Variants in HECW1 observed in about 807,000 individuals in gnomAD.
The protein encoded by HECW1 is HECT, C2 and WW domain containing E3 ubiquitin protein ligase 1, also known as E3 ubiquitin-protein ligase HECW1.
HECW1 carries 61 observed loss-of-function variants against 182.3 expected under a neutral mutation model. The observed-to-expected ratio is 0.33, with a 90% CI of 0.27 to 0.41. HECW1 has a LOEUF of 0.41. HECW1 is among the 10% of genes least tolerant of loss of function. HECW1 has a pLI of 1.00. For synonymous variants in HECW1, 859 were observed against 832.6 expected (o/e 1.03, Z -0.55); for missense variants, 1,739 against 2,108.9 (o/e 0.82, Z 3.44).
chr7:43,472,209 G>C (rs1199506573), intron 16 of HECW1, among the ~76,000 whole-genome samples: 2 of 151,928 alleles, frequency 1.3e-5, no homozygotes, highest in Non-Finnish European at 2.9e-5. Flanking sequence ...GAAGGAACCA[G>C]ATTTCAATCA....
chr7:43,267,515 A>T (rs1801927459), intron 3 of HECW1, among the ~76,000 whole-genome samples: 1 of 152,026 alleles, frequency 6.6e-6, no homozygotes, highest in Non-Finnish European at 1.5e-5. Context: ...AAAAGAAAAT[A>T]ACTGTGTTCA....
chr7:43,162,777 G>C (rs1328789922), intron 2 of HECW1: 1 of 152,178 alleles, frequency 6.6e-6, no homozygotes, highest in East Asian at 1.9e-4. Flanking sequence ...CCATACTACT[G>C]TAATAATAAC....
chr7:43,248,249 C>T (rs887917436), intron 3 of HECW1, among the ~76,000 whole-genome samples: 5 of 152,154 alleles, frequency 3.3e-5, no homozygotes, highest in Non-Finnish European at 7.3e-5. Context: ...AGCAACACCC[C>T]TCTCCTGACA....
chr7:43,356,711 G>A (rs907532206), intron 5 of HECW1, among the ~76,000 whole-genome samples: 1 of 151,962 alleles, frequency 6.6e-6, no homozygotes, highest in Non-Finnish European at 1.5e-5. Context: ...ACCACAAAAG[G>A]AATAAAACAA....
chr7:43,385,708 C>T (rs968826309), intron 6 of HECW1, among the ~76,000 whole-genome samples: 3 of 152,170 alleles, frequency 2.0e-5, no homozygotes, highest in Non-Finnish European at 4.4e-5. Context: ...GTTGGTTCTA[C>T]AATCAGGCAG....
At position 43,468,980 on chromosome 7, in the gene HECW1, C is replaced by A. The variant is rs758956129; in HGVS notation, c.2974C>A (p.Arg992=). 2 of 1,614,090 alleles carry A rather than the reference C, an allele frequency of 1.2e-6. No individual in the cohort carries two copies. Among genetic ancestry groups the A allele is most frequent in the African/African-American group, 1.3e-5 (1 of 74,926 alleles). Residue 992 remains arginine (R), a synonymous_variant, in exon 16 of 30, where the codon CGG becomes AGG. Coordinates refer to ENST00000395891, the MANE Select transcript of HECW1 (RefSeq NM_015052.5). The stretch of plus-strand genomic sequence containing the variant: ...AAAGCACATGATTCTGAAAGTCCGA[C>A]GGGATGCTCGCAATTTTGAACGCTA... The part of the protein sequence containing the change: ...CLKHMILKVR[R]DARNFERYQH...
intron 24 of HECW1, among the ~76,000 whole-genome samples, chr7:43,513,690 T>G (rs2079992221): frequency 6.6e-6 from 1 of 152,186 alleles, no homozygotes; most frequent in Non-Finnish European, 1.5e-5. Flanking sequence ...TGGTTTTTTT[T>G]TGTTTTTTGC....
intron 3 of HECW1, among the ~76,000 whole-genome samples, chr7:43,300,243 G>A (rs1396790905): frequency 2.6e-5 from 4 of 152,144 alleles, no homozygotes; most frequent in East Asian, 1.9e-4. Context: ...ATCTCTTGAG[G>A]TAAACCACCT....
rs1046802840 is a variant in HECW1 at position 43,112,775 on chromosome 7, C to G, written c.-429C>G. On this transcript the variant is annotated 5_prime_UTR_variant, in exon 1 of 30. Coordinates refer to ENST00000395891, the MANE Select transcript of HECW1 (RefSeq NM_015052.5). ...ACAGTGGCCGTGGCCTCCGCTCTCTCGGGGCACCCGGCAGCCAGAGCGCAG... is the reference window on the plus strand; with the variant it reads ...ACAGTGGCCGTGGCCTCCGCTCTCTGGGGGCACCCGGCAGCCAGAGCGCAG... 28 of 230,214 alleles carry G rather than the reference C, an allele frequency of 1.2e-4. No homozygotes were observed. The highest frequency in any genetic ancestry group is 2.1e-4 in the Non-Finnish European group (24 of 116,042). 14.3% of individuals were successfully genotyped at this position (230,214 alleles called of 1,614,324 possible). A position where few individuals can be genotyped will look rare whatever the true frequency, so the allele number is the denominator to read the frequency against.
intron 12 of HECW1, among the ~76,000 whole-genome samples, chr7:43,453,713 C>T (rs1470537276): frequency 6.6e-6 from 1 of 152,104 alleles, no homozygotes; most frequent in Non-Finnish European, 1.5e-5. Flanking sequence ...ATTTAGTGTG[C>T]AATAGATCCT....
In HECW1 at chr7:43,328,065, C is replaced by T. The variant is rs561398281; in HGVS notation, c.460+7323C>T. On this transcript the variant is annotated intron_variant, in intron 5 of 29. Transcript: ENST00000395891. ...AGGCATAGTGGCTCACACCTATAAT[C>T]GTAGCATTTTGGGAGGAAGTGGCGG... is the stretch of plus-strand genomic sequence containing the variant. 1.7e-4 allele frequency among the ~76,000 whole-genome samples: 25 copies of T among 151,418 alleles called. No individual in the cohort carries two copies. In the East Asian group the frequency reaches 3.9e-3, roughly 23 times the overall value.
intron 3 of HECW1, among the ~76,000 whole-genome samples, chr7:43,301,646 G>C (rs1184560661): frequency 2.0e-5 from 3 of 152,170 alleles, no homozygotes; most frequent in Non-Finnish European, 4.4e-5. Context: ...GGAGGTCAAG[G>C]TGGATCACTT....
At chr7:43,319,384 A>C in intron 4 of HECW1, among the ~76,000 whole-genome samples, 1 of 129,388 alleles carries the variant, frequency 7.7e-6, no homozygotes, top group African/African-American at 3.6e-5. Flanking sequence ...ACAGAGCGAG[A>C]CTCCGTCTCA....
intron 7 of HECW1, among the ~76,000 whole-genome samples, chr7:43,401,364 A>T (rs1367783482): frequency 1.3e-5 from 2 of 152,222 alleles, no homozygotes; most frequent in Non-Finnish European, 2.9e-5. Context: ...AGGGAAAAAA[A>T]GATGAATGGC....
intron 7 of HECW1, among the ~76,000 whole-genome samples, chr7:43,405,655 G>A (rs776265598): frequency 3.4e-4 from 51 of 152,136 alleles, no homozygotes; most frequent in African/African-American, 1.2e-3. Context: ...TCAAACTTCC[G>A]GCCTCCCAGA....
At chr7:43,229,851 T>C (rs918152917) in intron 2 of HECW1, among the ~76,000 whole-genome samples, 1 of 152,330 alleles carries the variant, frequency 6.6e-6, no homozygotes, top group South Asian at 2.1e-4. Context: ...AACCAAGAGT[T>C]GCCATCATCA....
chr7:43,158,236 G>A (rs1404651835), intron 2 of HECW1, among the ~76,000 whole-genome samples: 4 of 152,270 alleles, frequency 2.6e-5, no homozygotes, highest in Non-Finnish European at 5.9e-5. Context: ...ACCAATATGG[G>A]TGGTTATTAT....
intron 19 of HECW1, among the ~76,000 whole-genome samples, chr7:43,493,868 C>T (rs915200074): frequency 2.0e-5 from 3 of 152,174 alleles, no homozygotes; most frequent in East Asian, 1.9e-4. Flanking sequence ...TTGATGGAGG[C>T]GTGTTATTCA....
chr7:43,131,535 AT>A lies in HECW1; in HGVS notation c.-32+17151del, dbSNP rs111858854. ...ACAGTGTATACAAATCATTGACTGCATTTTTTTGGTATTTCCATAGAAATGA... is the reference window on the plus strand; with the variant it reads ...ACAGTGTATACAAATCATTGACTGCATTTTTTGGTATTTCCATAGAAATGA... On this transcript the variant is annotated intron_variant, in intron 2 of 29. Coordinates refer to ENST00000395891, the MANE Select transcript of HECW1 (RefSeq NM_015052.5). 3.6e-3 allele frequency among the ~76,000 whole-genome samples: 552 copies of A among 152,276 alleles called. 2 individuals are homozygous for A. The highest frequency in any genetic ancestry group is 0.013 in the African/African-American group (523 of 41,554).
Sources: gnomAD v4.1 joint callset for allele counts (sites outside exome capture counted in the v4.1 genomes callset) on GRCh38, gnomAD v4.1.1 for gene constraint, MANE v1.5 for transcripts, NCBI Gene and HGNC (gene_info 2026-07-23, HGNC 2026-07-21) for gene names.